KDM4B: variants seen among roughly 807,000 people sequenced by gnomAD.
The protein encoded by KDM4B is lysine demethylase 4B.
KDM4B carries 32 observed loss-of-function variants against 125.2 expected under a neutral mutation model. That is an observed-to-expected ratio of 0.26 (90% CI 0.19 to 0.34). The LOEUF is 0.34. KDM4B is among the 10% of genes least tolerant of loss of function. KDM4B has a pLI of 1.00. For synonymous variants in KDM4B, 721 were observed against 677.9 expected (o/e 1.06, Z -0.99); for missense variants, 1,190 against 1,577.7 (o/e 0.75, Z 4.16).
At chr19:5,051,285 C>T (rs542039968) in intron 6 of KDM4B, among the ~76,000 whole-genome samples, 3 of 152,350 alleles carry the variant, frequency 2.0e-5, no homozygotes, top group East Asian at 1.9e-4. Flanking sequence ...CATCCCCCCT[C>T]GAGGGCCCTG....
chr19:5,068,154 C>T (rs2037834019), intron 6 of KDM4B, among the ~76,000 whole-genome samples: 3 of 151,888 alleles, frequency 2.0e-5, no homozygotes, highest in Non-Finnish European at 2.9e-5. Context: ...AGCATGGCCC[C>T]GAGCAGGGAC....
chr19:5,026,187 G>A (rs940781272), intron 2 of KDM4B, among the ~76,000 whole-genome samples: 4 of 151,326 alleles, frequency 2.6e-5, no homozygotes, highest in African/African-American at 7.3e-5. Context: ...GGTGAGGATC[G>A]CTAAGCCCAG....
At chr19:5,053,042 C>A (rs2037282147) in intron 6 of KDM4B, among the ~76,000 whole-genome samples, 1 of 152,252 alleles carries the variant, frequency 6.6e-6, no homozygotes, top group Non-Finnish European at 1.5e-5. Context: ...GATTGGTGTC[C>A]CGACAGGGGT....
At chr19:5,024,905 G>A (rs932513048) in intron 2 of KDM4B, among the ~76,000 whole-genome samples, 3 of 152,202 alleles carry the variant, frequency 2.0e-5, no homozygotes, top group Non-Finnish European at 4.4e-5. Flanking sequence ...CTGAGATCGC[G>A]CCACTGCACT....
intron 1 of KDM4B, among the ~76,000 whole-genome samples, chr19:5,000,902 C>T (rs1029958027): frequency 3.3e-5 from 5 of 152,142 alleles, no homozygotes; most frequent in Admixed American, 6.5e-5. Flanking sequence ...AAGGCATGGG[C>T]GGAGAAGTGT....
chr19:5,068,348 C>T (rs2037841507), intron 6 of KDM4B, among the ~76,000 whole-genome samples: 1 of 152,220 alleles, frequency 6.6e-6, no homozygotes, highest in Admixed American at 6.5e-5. Flanking sequence ...CGTCGCAACC[C>T]CGTCCTTTGG....
intron 11 of KDM4B, 109 bp downstream of exon 11, chr19:5,119,961 C>G: frequency 3.7e-6 from 5 of 1,334,440 alleles, no homozygotes; most frequent in Non-Finnish European, 5.0e-6. Flanking sequence ...TTGTAAGAAT[C>G]TGATTCAGTG....
intron 1 of KDM4B, among the ~76,000 whole-genome samples, chr19:4,991,957 T>C (rs1231014568): frequency 6.6e-6 from 1 of 152,108 alleles, no homozygotes; most frequent in Non-Finnish European, 1.5e-5. Flanking sequence ...TCCATACGGG[T>C]GTTGTTTTCT....
intron 21 of KDM4B, among the ~76,000 whole-genome samples, chr19:5,146,041 C>G (rs375815435): frequency 2.0e-5 from 3 of 152,142 alleles, no homozygotes; most frequent in East Asian, 3.9e-4. Context: ...CCCTACCCCC[C>G]GCCGTGCAGG....
chr19:5,151,214 C>A, intron 22 of KDM4B, 121 bp from the exon 23 acceptor site: 2 of 839,474 alleles, frequency 2.4e-6, no homozygotes, highest in Non-Finnish European at 3.3e-6. Flanking sequence ...GCCTGCTGAG[C>A]AGCCCCCACA....
intron 9 of KDM4B, among the ~76,000 whole-genome samples, chr19:5,090,752 T>A (rs966257390): frequency 1.4e-5 from 2 of 139,226 alleles, no homozygotes. Context: ...TTTGCCAAGG[T>A]CACACAGCAG....
At chr19:5,090,843 A>G (rs1248749327) in intron 9 of KDM4B, among the ~76,000 whole-genome samples, 4 of 151,188 alleles carry the variant, frequency 2.6e-5, no homozygotes, top group Non-Finnish European at 5.9e-5. Context: ...GGCATCTGGG[A>G]GCCCACACCC....
At chr19:5,109,277 C>T (rs1049756488) in intron 9 of KDM4B, among the ~76,000 whole-genome samples, 2 of 152,192 alleles carry the variant, frequency 1.3e-5, no homozygotes, top group African/African-American at 4.8e-5. Flanking sequence ...AGCTTCCTGG[C>T]CGCCTCCTGG....
intron 10 of KDM4B, among the ~76,000 whole-genome samples, chr19:5,117,653 C>G (rs938803803): frequency 6.6e-6 from 1 of 152,206 alleles, no homozygotes; most frequent in African/African-American, 2.4e-5. Flanking sequence ...CCAGAGCCGT[C>G]CTTGGGCTGC....
Position 5,127,156 on chromosome 19 carries a change from G to A in KDM4B, c.1316-3920G>A, listed in dbSNP as rs2039463613. Among the ~76,000 whole-genome samples the A allele has an allele frequency of 2.6e-5, 4 of 152,266 alleles. No individual in the cohort carries two copies. The South Asian group carries it at 8.3e-4, about 32-fold the overall frequency. On this transcript the variant is annotated intron_variant, in intron 11 of 22. Coordinates refer to ENST00000159111, the MANE Select transcript of KDM4B (RefSeq NM_015015.3). ...TCAGCTGGCTGCCCTCGGGGGCCTGGGTGCATCCTGGGCCCCATCTGTACC... is the reference window on the plus strand; with the variant it reads ...TCAGCTGGCTGCCCTCGGGGGCCTGAGTGCATCCTGGGCCCCATCTGTACC...
intron 11 of KDM4B, among the ~76,000 whole-genome samples, chr19:5,124,976 TGCA>T (rs1434653812): frequency 1.3e-5 from 2 of 152,048 alleles, no homozygotes; most frequent in Admixed American, 6.6e-5. Flanking sequence ...CACGGCTCAC[TGCA>T]GCCTTGGTTT....
At chr19:5,010,866 T>C (rs2035706476) in intron 1 of KDM4B, among the ~76,000 whole-genome samples, 1 of 152,200 alleles carries the variant, frequency 6.6e-6, no homozygotes, top group African/African-American at 2.4e-5. Context: ...CAGGCTGGTC[T>C]CGAACTCCTG....
At chr19:5,135,695 G>A in intron 15 of KDM4B, 134 bp downstream of exon 15, 1 of 717,928 alleles carries the variant, frequency 1.4e-6, no homozygotes, top group South Asian at 1.9e-5. Context: ...TCAGGGCCAG[G>A]GCAGGGGCCT....
intron 13 of KDM4B, 94 bp downstream of exon 13, chr19:5,132,101 C>T (rs946133721): frequency 4.9e-5 from 69 of 1,421,082 alleles, no homozygotes; most frequent in Middle Eastern, 2.5e-4. Flanking sequence ...GGCTTCCTTC[C>T]CCCACTTCCT....
Sources: gnomAD v4.1 joint callset for allele counts (sites outside exome capture counted in the v4.1 genomes callset) on GRCh38, gnomAD v4.1.1 for gene constraint, MANE v1.5 for transcripts, NCBI Gene and HGNC (gene_info 2026-07-23, HGNC 2026-07-21) for gene names.